DNAH8: variants seen among roughly 807,000 people sequenced by gnomAD.
DNAH8 encodes the protein dynein axonemal heavy chain 8, also known as axonemal beta dynein heavy chain 8.
DNAH8 carries 382 observed loss-of-function variants against 562.1 expected under a neutral mutation model. The ratio of observed to expected loss-of-function variants is 0.68; its 90% CI spans 0.63 to 0.74. The LOEUF is 0.74. DNAH8 is among the 30% of genes least tolerant of loss of function. The pLI is 0.00. For missense variants in DNAH8, 5,203 were observed against 5,620.4 expected (o/e 0.93, Z 2.37); for synonymous variants, 1,881 against 1,919.4 (o/e 0.98, Z 0.52).
chr6:38,734,342 A>AT, intron 4 of DNAH8, 132 bp from the exon 5 acceptor site: 5 of 787,764 alleles, frequency 6.3e-6, no homozygotes, highest in Non-Finnish European at 6.9e-6. Context: ...CCCCAAAAAA[A>AT]TTATTCTATG....
At chr6:39,013,274 T>C (rs1340407454) in intron 91 of DNAH8, among the ~76,000 whole-genome samples, 1 of 152,266 alleles carries the variant, frequency 6.6e-6, no homozygotes, top group South Asian at 2.1e-4. Flanking sequence ...CTTCAAGTAA[T>C]TCTTGGTGAA....
intron 10 of DNAH8, among the ~76,000 whole-genome samples, chr6:38,757,531 T>A (rs1766037956): frequency 6.6e-6 from 1 of 152,220 alleles, no homozygotes; most frequent in African/African-American, 2.4e-5. Flanking sequence ...TTCAATTAGA[T>A]CCCATTTGTC....
chr6:38,942,336 G>A (rs772296801), intron 79 of DNAH8, among the ~76,000 whole-genome samples: 10 of 152,194 alleles, frequency 6.6e-5, no homozygotes, highest in Non-Finnish European at 1.3e-4. Context: ...ATATGACATA[G>A]AAAGGAAGAA....
rs867749461 is a variant in DNAH8, at chr6:38,860,447, T to C, written c.5959-10T>C. 6.5e-6 allele frequency: 9 copies of C among 1,393,036 alleles called. No homozygotes were observed. The highest frequency in any genetic ancestry group is 1.9e-4 in the Middle Eastern group (1 of 5,272). 86.3% of individuals were successfully genotyped at this position (1,393,036 alleles called of 1,614,324 possible). On this transcript the variant is annotated splice_polypyrimidine_tract_variant and intron_variant, in intron 42 of 92. Transcript: ENST00000327475. The stretch of plus-strand genomic sequence containing the variant: ...CAGTATATAATTTTTTTGTATTTTA[T>C]GTTTTTAAGGTAAAAATGCATATCA...
intron 31 of DNAH8, among the ~76,000 whole-genome samples, chr6:38,832,863 A>G (rs1452242589): frequency 1.3e-5 from 2 of 151,594 alleles, no homozygotes; most frequent in Non-Finnish European, 2.9e-5. Context: ...TGTTAAAAGG[A>G]GCAACAACTT....
chr6:38,890,874 A>T (rs895461600), intron 58 of DNAH8, 113 bp downstream of exon 58: 2 of 707,038 alleles, frequency 2.8e-6, no homozygotes, highest in African/African-American at 1.8e-5. Context: ...GTTTTTTGGA[A>T]AAGACAAATT....
chr6:38,960,428 A>T (rs1036028020), intron 82 of DNAH8, among the ~76,000 whole-genome samples: 17 of 152,124 alleles, frequency 1.1e-4, no homozygotes, highest in African/African-American at 3.1e-4. Context: ...GCAAAAAAAA[A>T]AAAAATAATA....
Position 38,909,617 on chromosome 6 carries a change from G to A in DNAH8, c.9613G>A (p.Ala3205Thr), listed in dbSNP as rs1267541568. The change falls in exon 65 of 93, where the codon GCT (alanine) becomes ACT (threonine). Residue 3205 changes from alanine (A) to threonine (T), a missense_variant. Ala to Thr is a moderately conservative substitution (Grantham distance 58, BLOSUM62 0). Transcript: ENST00000327475. ...CCGCTGGCCAAGGGAGGCTCTGATT[G>A]CTGTGGCCTCCTACTTCCTTTCAGA... ...FSRWPREALI[A>T]VASYFLSDYN... The A allele has an allele frequency of 6.2e-7, 1 of 1,614,144 alleles. No individual in the cohort carries two copies. The highest frequency in any genetic ancestry group is 1.7e-5 in the Admixed American group (1 of 60,026).
At chr6:38,930,778 A>G (rs1346709379) in intron 75 of DNAH8, among the ~76,000 whole-genome samples, 1 of 152,200 alleles carries the variant, frequency 6.6e-6, no homozygotes, top group Non-Finnish European at 1.5e-5. Flanking sequence ...TGGTATACAT[A>G]TACGTTGTAT....
intron 82 of DNAH8, among the ~76,000 whole-genome samples, chr6:38,958,764 G>A (rs1762430575): frequency 6.6e-6 from 1 of 151,808 alleles, no homozygotes; most frequent in South Asian, 2.1e-4. Context: ...CAATTGAAGT[G>A]GCTAGGAATT....
At chr6:38,793,457 T>C (rs1212131633) in intron 21 of DNAH8, among the ~76,000 whole-genome samples, 1 of 152,224 alleles carries the variant, frequency 6.6e-6, no homozygotes, top group Non-Finnish European at 1.5e-5. Context: ...TTATACCAGC[T>C]TTTTTCAGGT....
rs138774499 is a variant in DNAH8 at position 38,938,159 on chromosome 6, A to G, written c.11749A>G (p.Met3917Val). The G allele has an allele frequency of 1.9e-6, 3 of 1,613,992 alleles. No homozygotes were observed. Among genetic ancestry groups the G allele is most frequent in the Middle Eastern group, 1.6e-4 (1 of 6,084 alleles). The stretch of plus-strand genomic sequence containing the variant: ...CTACTTCCTCATCACAGAGATGAGC[A>G]TGGTCAACATCATGTATCAGACGTC... ...ILYFLITEMS[M>V]VNIMYQTSLA... is the part of the protein sequence containing the mutation. The change falls in exon 78 of 93, where the codon ATG becomes GTG. Residue 3917 changes from methionine (M) to valine (V), a missense_variant. Physicochemically the swap from Met to Val is conservative, Grantham distance 21. Coordinates refer to ENST00000327475, the MANE Select transcript of DNAH8 (RefSeq NM_001206927.2).
chr6:38,873,325 G>A lies in DNAH8; in HGVS notation c.7569G>A (p.Lys2523=), dbSNP rs9380795. The part of the protein sequence containing the change: ...KVFEDTYTYM[K]LNLNPKMQLL... ...TTGAAGATACATACACATATATGAAGCTAAATCTCAATCCCAAAATGCAGC... is the reference window on the plus strand; with the variant it reads ...TTGAAGATACATACACATATATGAAACTAAATCTCAATCCCAAAATGCAGC... Residue 2523 remains lysine, a synonymous_variant, in exon 52 of 93, where the codon AAG becomes AAA. Transcript: ENST00000327475. 0.45 allele frequency: 719,261 copies of A among 1,611,190 alleles called. 166,839 individuals carry two copies. The highest frequency in any genetic ancestry group is 0.82 in the East Asian group (36,907 of 44,830).
Position 38,984,470 on chromosome 6 carries a change from G to GCACACA in DNAH8, c.13053+184_13053+189dup, listed in dbSNP as rs34819199. 1,224 of 507,064 alleles carry GCACACA rather than the reference G, an allele frequency of 2.4e-3. 8 individuals are homozygous for GCACACA. In the East Asian group the frequency reaches 0.027, roughly 11 times the overall value. The allele number at this position is 507,064 out of a possible 1,614,324, so 31.4% of individuals were successfully genotyped here. ...TGCGCTTACACACACGCACACACAT[G>GCACACA]CACACACACACACACACACACACAC... is the stretch of plus-strand genomic sequence containing the variant. On this transcript the variant is annotated intron_variant, in intron 87 of 92. Transcript: ENST00000327475.
intron 25 of DNAH8, 100 bp from the exon 26 acceptor site, chr6:38,815,368 G>T: frequency 1.1e-6 from 1 of 903,838 alleles, no homozygotes. Context: ...CACTGGGCCA[G>T]CCGAGGCTTG....
At chr6:38,718,536 C>A (rs766847699) in intron 1 of DNAH8, among the ~76,000 whole-genome samples, 1 of 152,078 alleles carries the variant, frequency 6.6e-6, no homozygotes, top group Non-Finnish European at 1.5e-5. Flanking sequence ...GAAAATCTCT[C>A]CAAAATGGCA....
chr6:38,857,509 G>C lies in DNAH8; in HGVS notation c.5734-9G>C. 1 of 1,586,680 alleles carries C rather than the reference G, an allele frequency of 6.3e-7. No individual in the cohort carries two copies. The highest frequency in any genetic ancestry group is 1.3e-5 in the African/African-American group (1 of 74,236). On this transcript the variant is annotated splice_polypyrimidine_tract_variant and intron_variant, in intron 41 of 92. Coordinates refer to ENST00000327475, the MANE Select transcript of DNAH8 (RefSeq NM_001206927.2). ...GGCAAATTTTAATATTTTTCTGCTG[G>C]ATCTGTAGGTTGGACTTCTGGGAAT... is the stretch of plus-strand genomic sequence containing the variant.
chr6:38,762,070 G>A (rs1368444265), intron 11 of DNAH8, among the ~76,000 whole-genome samples: 1 of 152,046 alleles, frequency 6.6e-6, no homozygotes, highest in Non-Finnish European at 1.5e-5. Flanking sequence ...TCTCATTCCA[G>A]CCTGTTACAA....
chr6:39,027,922 A>C (rs1244346971), intron 92 of DNAH8, among the ~76,000 whole-genome samples: 1 of 152,180 alleles, frequency 6.6e-6, no homozygotes, highest in Non-Finnish European at 1.5e-5. Flanking sequence ...ACTCTCAGTA[A>C]ATCAGTCTCC....
Sources: allele counts gnomAD v4.1 joint callset (sites outside exome capture counted in the v4.1 genomes callset), GRCh38; gene constraint gnomAD v4.1.1; transcripts MANE v1.5; gene names NCBI Gene and HGNC (gene_info 2026-07-23, HGNC 2026-07-21).